The following SETBP1 variants were observed in gnomAD, a reference collection of about 807,000 sequenced individuals.
The protein encoded by SETBP1 is SET binding protein 1.
SETBP1 carries 9 observed loss-of-function variants against 101.0 expected under a neutral mutation model. The ratio of observed to expected loss-of-function variants is 0.09; its 90% CI spans 0.05 to 0.16. SETBP1 has a LOEUF of 0.16. Ranked by LOEUF, SETBP1 falls within the 10% of genes least tolerant of loss-of-function variation. The pLI is 1.00. For missense variants in SETBP1, 1,858 were observed against 2,033.8 expected, an observed-to-expected ratio of 0.91 and a Z score of 1.66; for synonymous variants, 818 against 788.5, an observed-to-expected ratio of 1.04 and a Z score of -0.63.
In SETBP1 at chr18:45,053,289, G is replaced by C. The variant is rs370027748; in HGVS notation, c.4172-9790G>C. ...CTAAAATCTCAGATCAACTTTAGCA[G>C]ATGATATAATCTCCAGAGAGTGATC... On this transcript the variant is annotated intron_variant, in intron 5 of 5. Transcript: ENST00000649279. Among the ~76,000 whole-genome samples the C allele has an allele frequency of 1.1e-4, 16 of 152,146 alleles. 1 individual carries two copies. The highest frequency in any genetic ancestry group is 3.9e-4 in the African/African-American group (16 of 41,424).
At chr18:44,821,486 T>A (rs910768955) in intron 2 of SETBP1, among the ~76,000 whole-genome samples, 1 of 152,182 alleles carries the variant, frequency 6.6e-6, no homozygotes, top group Non-Finnish European at 1.5e-5. Flanking sequence ...TAAATGGCAC[T>A]TTCTCCCCTG....
At chr18:45,056,144 C>T (rs2073805093) in intron 5 of SETBP1, among the ~76,000 whole-genome samples, 1 of 152,166 alleles carries the variant, frequency 6.6e-6, no homozygotes. Context: ...AAAATGGCAA[C>T]TCATGTATAC....
At chr18:44,874,917 C>G (rs2069361846) in intron 3 of SETBP1, among the ~76,000 whole-genome samples, 1 of 152,116 alleles carries the variant, frequency 6.6e-6, no homozygotes, top group African/African-American at 2.4e-5. Flanking sequence ...GAGAGAAATC[C>G]TGGCTGTGCT....
intron 2 of SETBP1, among the ~76,000 whole-genome samples, chr18:44,723,226 C>G (rs1223213650): frequency 1.3e-5 from 2 of 152,172 alleles, no homozygotes; most frequent in Admixed American, 6.5e-5. Flanking sequence ...CCTCTCACTT[C>G]CTTTTATATG....
intron 2 of SETBP1, chr18:44,732,788 C>A (rs117679934): frequency 6.6e-6 from 1 of 152,270 alleles, no homozygotes; most frequent in East Asian, 1.9e-4. Flanking sequence ...GACCTCGCTA[C>A]TTTGGCTGGC....
At chr18:45,021,398 C>G (rs1377695055) in intron 4 of SETBP1, among the ~76,000 whole-genome samples, 1 of 152,192 alleles carries the variant, frequency 6.6e-6, no homozygotes, top group Non-Finnish European at 1.5e-5. Flanking sequence ...CCCCAACTCG[C>G]TCTCCTGGTT....
At chr18:44,750,186 G>T (rs2070349886) in intron 2 of SETBP1, among the ~76,000 whole-genome samples, 1 of 152,204 alleles carries the variant, frequency 6.6e-6, no homozygotes, top group African/African-American at 2.4e-5. Flanking sequence ...ATCATAGACT[G>T]GCTGGCTTTA....
intron 2 of SETBP1, among the ~76,000 whole-genome samples, chr18:44,822,980 C>CA (rs1256767176): frequency 6.6e-6 from 1 of 152,126 alleles, no homozygotes; most frequent in African/African-American, 2.4e-5. Flanking sequence ...CCCATCTCTA[C>CA]AAAAAATACA....
chr18:44,680,261 T>C (rs2068736845), upstream of SETBP1: 1 of 147,410 alleles, frequency 6.8e-6, no homozygotes, highest in African/African-American at 2.5e-5. Flanking sequence ...GGCGGCCAGC[T>C]CGCGGCTCGC....
intron 4 of SETBP1, among the ~76,000 whole-genome samples, chr18:44,977,079 AG>A (rs1316585251): frequency 9.8e-5 from 15 of 152,336 alleles, no homozygotes; most frequent in African/African-American, 3.4e-4. Flanking sequence ...ACTACCTCTG[AG>A]GATTCCTCCA....
chr18:44,708,772 G>A (rs1033870190), intron 2 of SETBP1, among the ~76,000 whole-genome samples: 67 of 151,112 alleles, frequency 4.4e-4, no homozygotes, highest in Non-Finnish European at 8.0e-4. Flanking sequence ...AGAAAAAGAT[G>A]AAGAAGAAAA....
At chr18:44,691,743 A>C (rs1315774780) in intron 1 of SETBP1, among the ~76,000 whole-genome samples, 1 of 152,160 alleles carries the variant, frequency 6.6e-6, no homozygotes, top group East Asian at 1.9e-4. Context: ...GCAGAATCTG[A>C]TAAAAAGGTG....
intron 4 of SETBP1, among the ~76,000 whole-genome samples, chr18:44,953,760 T>C (rs2071421282): frequency 6.6e-6 from 1 of 152,190 alleles, no homozygotes; most frequent in South Asian, 2.1e-4. Flanking sequence ...AGCTAATTTA[T>C]CTGGCATGCC....
intron 2 of SETBP1, among the ~76,000 whole-genome samples, chr18:44,758,951 G>T (rs1225395125): frequency 6.6e-6 from 1 of 152,216 alleles, no homozygotes; most frequent in Non-Finnish European, 1.5e-5. Context: ...GACCACCACA[G>T]ATGCTGTATG....
chr18:44,933,980 T>C (rs902982556), intron 3 of SETBP1, among the ~76,000 whole-genome samples: 7 of 152,110 alleles, frequency 4.6e-5, no homozygotes, highest in African/African-American at 1.7e-4. Context: ...GGTACCTCAG[T>C]TGGAAATGCA....
chr18:44,747,164 C>T (rs958838372), intron 2 of SETBP1, among the ~76,000 whole-genome samples: 10 of 152,212 alleles, frequency 6.6e-5, no homozygotes, highest in African/African-American at 1.7e-4. Flanking sequence ...CAGGTGATGA[C>T]CAGGTCTCCA....
chr18:44,956,742 C>T (rs2145131724), intron 4 of SETBP1, among the ~76,000 whole-genome samples: 1 of 152,334 alleles, frequency 6.6e-6, no homozygotes, highest in South Asian at 2.1e-4. Flanking sequence ...AAACGTAAGT[C>T]ATTACCATTA....
chr18:44,943,454 C>T (rs1266335577), intron 3 of SETBP1, among the ~76,000 whole-genome samples: 1 of 152,216 alleles, frequency 6.6e-6, no homozygotes, highest in African/African-American at 2.4e-5. Context: ...CTCTCTAGTC[C>T]TTAACCCAGA....
chr18:44,783,023 A>G (rs528720400), intron 2 of SETBP1, among the ~76,000 whole-genome samples: 2 of 152,278 alleles, frequency 1.3e-5, no homozygotes, highest in Non-Finnish European at 2.9e-5. Flanking sequence ...TGAAGTCTGA[A>G]TATCTAGATT....
Sources: allele counts gnomAD v4.1 joint callset (sites outside exome capture counted in the v4.1 genomes callset), GRCh38; gene constraint gnomAD v4.1.1; transcripts MANE v1.5; gene names NCBI Gene and HGNC (gene_info 2026-07-23, HGNC 2026-07-21).